SLC12A8: variants seen among roughly 807,000 people sequenced by gnomAD.
SLC12A8 encodes the protein cation-chloride cotransporter 9.
SLC12A8 carries 69 observed loss-of-function variants against 75.6 expected under a neutral mutation model. The ratio of observed to expected loss-of-function variants is 0.91; its 90% confidence interval spans 0.75 to 1.11. The LOEUF (loss-of-function observed/expected upper bound fraction) is 1.11. Among genes scored for constraint, SLC12A8 ranks in the 50% most tolerant of loss-of-function variants. The probability of loss-of-function intolerance (pLI) is 0.00; values close to 1 mark genes in which losing one functional copy is unlikely to be tolerated. For missense variants in SLC12A8, 877 were observed against 896.7 expected, an observed-to-expected ratio of 0.98 and a Z score of 0.28; for synonymous variants, 365 against 372.8, an observed-to-expected ratio of 0.98 and a Z score of 0.24.
intron 10 of SLC12A8, among the ~76,000 whole-genome samples, chr3:125,098,113 A>G (rs911289039): frequency 6.6e-6 from 1 of 152,122 alleles, no homozygotes; most frequent in Admixed American, 6.5e-5. Context: ...TTTTATAGAA[A>G]TTACTTAAAT....
chr3:125,089,099 AATTG>A (rs1326902220), intron 12 of SLC12A8, among the ~76,000 whole-genome samples: 5 of 152,246 alleles, frequency 3.3e-5, no homozygotes, highest in Admixed American at 1.3e-4. Flanking sequence ...TATGATTGAA[AATTG>A]ATTGATTAGA....
Position 125,107,839 on chromosome 3 carries a change from TC to T in SLC12A8, c.1346del (p.Arg449LysfsTer20). On this transcript the variant is annotated frameshift_variant, in exon 10 of 14. Coordinates refer to ENST00000469902, the MANE Select transcript of SLC12A8 (RefSeq NM_024628.6). LOFTEE classifies it high-confidence loss of function. ...PSYGSEGPAQ[R>X]VLEGTLLEFT... ...ATTCCAGTAGCGTGCCCTCCAAGACTCTTTGGGCAGGTCCCTCAGAGCCGTA... is the reference window on the plus strand; with the variant it reads ...ATTCCAGTAGCGTGCCCTCCAAGACTTTTGGGCAGGTCCCTCAGAGCCGTA... The T allele has an allele frequency of 6.2e-7, 1 of 1,614,112 alleles. No individual in the cohort carries two copies. Among genetic ancestry groups the T allele is most frequent in the South Asian group, 1.1e-5 (1 of 91,062 alleles).
intron 4 of SLC12A8, among the ~76,000 whole-genome samples, chr3:125,186,800 A>AGC (rs1470247250): frequency 1.3e-5 from 2 of 152,170 alleles, no homozygotes; most frequent in African/African-American, 4.8e-5. Context: ...TGCTCCCGGG[A>AGC]GCTCCTGCTC....
chr3:125,152,078 A>T (rs1272277667), intron 5 of SLC12A8, among the ~76,000 whole-genome samples: 1 of 152,212 alleles, frequency 6.6e-6, no homozygotes, highest in African/African-American at 2.4e-5. Flanking sequence ...GTCTGAGCAG[A>T]TTTGTTCATA....
intron 6 of SLC12A8, among the ~76,000 whole-genome samples, chr3:125,124,513 G>C (rs1003509409): frequency 1.3e-5 from 2 of 152,184 alleles, no homozygotes; most frequent in African/African-American, 4.8e-5. Context: ...TTTTAGTAGA[G>C]ATGGGGTTTC....
At chr3:125,104,180 A>G (rs756223799) in intron 10 of SLC12A8, among the ~76,000 whole-genome samples, 4 of 152,054 alleles carry the variant, frequency 2.6e-5, no homozygotes, top group East Asian at 1.9e-4. Context: ...ATCATAGCTC[A>G]TTGTAACTTT....
At chr3:125,088,236 A>T in intron 13 of SLC12A8, 74 bp downstream of exon 13, 1 of 1,481,778 alleles carries the variant, frequency 6.7e-7, no homozygotes, top group Non-Finnish European at 9.4e-7. Context: ...CCAGCCAGGA[A>T]TGGGACACCC....
intron 2 of SLC12A8, among the ~76,000 whole-genome samples, chr3:125,207,253 G>C (rs1394240440): frequency 1.3e-5 from 2 of 152,130 alleles, no homozygotes; most frequent in East Asian, 3.8e-4. Context: ...CCTAGAAAAG[G>C]GTCCACATGG....
chr3:125,211,992 T>C (rs928009522), intron 1 of SLC12A8, among the ~76,000 whole-genome samples: 1 of 152,006 alleles, frequency 6.6e-6, no homozygotes, highest in African/African-American at 2.4e-5. Context: ...GGACCTGGCT[T>C]TCCTTGAGGG....
At chr3:125,133,724 C>A (rs1474189734) in intron 6 of SLC12A8, among the ~76,000 whole-genome samples, 1 of 152,194 alleles carries the variant, frequency 6.6e-6, no homozygotes, top group African/African-American at 2.4e-5. Flanking sequence ...CTGCGCCCGG[C>A]CAAAGCTAAC....
chr3:125,208,859 A>G (rs1935283954), intron 2 of SLC12A8, among the ~76,000 whole-genome samples: 1 of 150,112 alleles, frequency 6.7e-6, no homozygotes, highest in Non-Finnish European at 1.5e-5. Context: ...ATTAAAGCCA[A>G]ACCAAGAGTC....
At chr3:125,162,872 A>G (rs1350960880) in intron 5 of SLC12A8, among the ~76,000 whole-genome samples, 2 of 152,198 alleles carry the variant, frequency 1.3e-5, no homozygotes, top group African/African-American at 4.8e-5. Flanking sequence ...AGCTCATACC[A>G]AGGGTCCAGC....
In SLC12A8 at chr3:125,177,791, C is replaced by CGGCCA. The variant is rs1560077067; in HGVS notation, c.569_573dup (p.Val192TrpfsTer111). On this transcript the variant is annotated frameshift_variant, in exon 5 of 14. Transcript: ENST00000469902. LOFTEE classifies it high-confidence loss of function. Reference sequence around the variant, plus strand: ...CCCACCACAAAGTCCAGTGTGGACACGGCCAGCAGGAACAGCAACAGCAGC... The same window carrying CGGCCA: ...CCCACCACAAAGTCCAGTGTGGACACGGCCAGGCCAGCAGGAACAGCAACAGCAGC... 6.2e-7 allele frequency: 1 copy of CGGCCA among 1,614,162 alleles called. No homozygotes were observed.
chr3:125,195,722 T>C (rs1453911945), intron 2 of SLC12A8, among the ~76,000 whole-genome samples: 3 of 151,928 alleles, frequency 2.0e-5, no homozygotes, highest in Admixed American at 2.0e-4. Context: ...CTGTGAAAAC[T>C]TTGATGCCGA....
Position 125,083,811 on chromosome 3 carries a change from A to T in SLC12A8, c.*79T>A. The T allele has an allele frequency of 7.2e-7, 1 of 1,393,622 alleles. No individual in the cohort carries two copies. The highest frequency in any genetic ancestry group is 9.8e-7 in the Non-Finnish European group (1 of 1,018,648). 86.3% of individuals were successfully genotyped at this position (1,393,622 alleles called of 1,614,324 possible). A position where few individuals can be genotyped will look rare whatever the true frequency, so the allele number is the denominator to read the frequency against. On this transcript the variant is annotated 3_prime_UTR_variant, in exon 14 of 14. Coordinates refer to ENST00000469902, the MANE Select transcript of SLC12A8 (RefSeq NM_024628.6). ...GGGTCTTGAGTTTCTCAGGTTGGAG[A>T]AGCAGCTCCACGAAGGTCCTGAGCT...
At chr3:125,210,111 ACT>A (rs1935306764) in intron 2 of SLC12A8, among the ~76,000 whole-genome samples, 1 of 152,006 alleles carries the variant, frequency 6.6e-6, no homozygotes, top group South Asian at 2.1e-4. Flanking sequence ...TTAGAAATCA[ACT>A]CTCTCTTAGG....
chr3:125,198,287 TA>T (rs1317499865), intron 2 of SLC12A8, among the ~76,000 whole-genome samples: 1 of 127,832 alleles, frequency 7.8e-6, no homozygotes, highest in Non-Finnish European at 1.7e-5. Context: ...GTCAAGGTCA[TA>T]AAAGACAAAG....
At chr3:125,186,734 G>A (rs1312556338) in intron 4 of SLC12A8, among the ~76,000 whole-genome samples, 12 of 152,228 alleles carry the variant, frequency 7.9e-5, no homozygotes, top group African/African-American at 2.9e-4. Context: ...CTCTCAGACA[G>A]GGCGTCCACA....
At chr3:125,190,309 C>T (rs1934884448) in intron 3 of SLC12A8, 66 bp downstream of exon 3, 18 of 1,574,692 alleles carry the variant, frequency 1.1e-5, no homozygotes, top group Non-Finnish European at 1.6e-5. Context: ...CTGTAGAATG[C>T]AAGAGTGGCA....
Sources: allele counts gnomAD v4.1 joint callset (sites outside exome capture counted in the v4.1 genomes callset), GRCh38; gene constraint gnomAD v4.1.1; transcripts MANE v1.5; gene names NCBI Gene and HGNC (gene_info 2026-07-23, HGNC 2026-07-21).